The following ULK4 variants were observed in gnomAD, a reference collection of about 807,000 sequenced individuals.
The protein encoded by ULK4 is unc-51 like kinase 4.
Under a neutral mutation model 160.6 loss-of-function variants are expected in ULK4, and 133 were observed. The ratio of observed to expected loss-of-function variants is 0.83; its 90% CI spans 0.72 to 0.96. The LOEUF is 0.96. Among genes scored for constraint, ULK4 ranks in the 40% least tolerant of loss-of-function variants. The pLI is 0.00. For synonymous variants in ULK4, 534 were observed against 539.8 expected, an observed-to-expected ratio of 0.99 and a Z score of 0.15; for missense variants, 1,580 against 1,499.5, an observed-to-expected ratio of 1.05 and a Z score of -0.89.
At chr3:41,632,507 C>T (rs576189378) in intron 30 of ULK4, among the ~76,000 whole-genome samples, 1 of 151,980 alleles carries the variant, frequency 6.6e-6, no homozygotes, top group South Asian at 2.1e-4. Context: ...ATGCACTGGG[C>T]CAAATGAGAG....
chr3:41,572,617 T>A lies in ULK4; in HGVS notation c.3121-6487A>T, dbSNP rs537401477. On this transcript the variant is annotated intron_variant, in intron 31 of 36. Coordinates refer to ENST00000301831, the MANE Select transcript of ULK4 (RefSeq NM_017886.4). ...CTACTAAAAATACAAAAAAAAAAAA[T>A]TGGCCCGTCATGGTGGCGGGTGCCT... is the stretch of plus-strand genomic sequence containing the variant. Among the ~76,000 whole-genome samples, 717 of 122,282 alleles carry A rather than the reference T, an allele frequency of 5.9e-3. 6 individuals carry two copies. Among genetic ancestry groups the A allele is most frequent in the Middle Eastern group, 0.029 (7 of 242 alleles). The allele number at this position is 122,282 out of a possible 152,430, so 80.2% of individuals were successfully genotyped here. A position where few individuals can be genotyped will look rare whatever the true frequency, so the allele number is the denominator to read the frequency against.
intron 30 of ULK4, among the ~76,000 whole-genome samples, chr3:41,639,410 G>A (rs2034093504): frequency 6.6e-6 from 1 of 152,102 alleles, no homozygotes; most frequent in South Asian, 2.1e-4. Context: ...AAGAAAAGTT[G>A]TAAACTCTAG....
chr3:41,464,078 G>A (rs2083763801), intron 32 of ULK4, among the ~76,000 whole-genome samples: 1 of 151,902 alleles, frequency 6.6e-6, no homozygotes, highest in African/African-American at 2.4e-5. Context: ...GCACGGCAAG[G>A]AAGTCTGATG....
intron 35 of ULK4, among the ~76,000 whole-genome samples, chr3:41,375,318 T>C (rs1035075085): frequency 1.3e-5 from 2 of 152,038 alleles, no homozygotes; most frequent in Admixed American, 1.3e-4. Context: ...AGAGTCTGTA[T>C]AGCCAAGACA....
At chr3:41,690,872 T>C (rs1322075392) in intron 27 of ULK4, among the ~76,000 whole-genome samples, 7 of 151,702 alleles carry the variant, frequency 4.6e-5, no homozygotes, top group Non-Finnish European at 4.4e-5. Context: ...TAATCCAAGC[T>C]CATAATGTTA....
intron 2 of ULK4, among the ~76,000 whole-genome samples, chr3:41,949,984 C>T (rs1213314875): frequency 1.3e-5 from 2 of 152,074 alleles, no homozygotes; most frequent in African/African-American, 2.4e-5. Context: ...GATCTACCCA[C>T]CTTGGTCTCT....
chr3:41,480,866 T>C (rs774216589), intron 32 of ULK4, among the ~76,000 whole-genome samples: 5 of 152,098 alleles, frequency 3.3e-5, no homozygotes, highest in Admixed American at 6.5e-5. Context: ...GTAAGGCCTC[T>C]TATAAAACCA....
intron 22 of ULK4, among the ~76,000 whole-genome samples, chr3:41,740,460 T>C (rs1361999459): frequency 6.6e-6 from 1 of 151,852 alleles, no homozygotes; most frequent in Non-Finnish European, 1.5e-5. Context: ...ATAGGCCTTA[T>C]TTTATCGCCT....
rs1435762650 is a variant in ULK4, at chr3:41,800,216, G to A, written c.1926C>T (p.Gly642=). The change falls in exon 20 of 37, where the codon GGC becomes GGT. Residue 642 remains glycine, a synonymous_variant. Transcript: ENST00000301831. ...TGGGTCCTATTTCTCCTGTAATAAAGCCCTGGGACTGAGCAGAAAAGGTGG... is the reference window on the plus strand; with the variant it reads ...TGGGTCCTATTTCTCCTGTAATAAAACCCTGGGACTGAGCAGAAAAGGTGG... ...VCTTFSAQSQ[G]FITGEIGPIL... The A allele has an allele frequency of 6.2e-7, 1 of 1,613,658 alleles. No individual in the cohort carries two copies. The highest frequency in any genetic ancestry group is 8.5e-7 in the Non-Finnish European group (1 of 1,179,896).
At chr3:41,487,906 T>C (rs2084599113) in intron 32 of ULK4, among the ~76,000 whole-genome samples, 1 of 152,118 alleles carries the variant, frequency 6.6e-6, no homozygotes. Context: ...TTCTTACAAA[T>C]CACTAAGAAA....
Position 41,938,142 on chromosome 3 carries a change from T to C in ULK4, c.194A>G (p.Tyr65Cys). The C allele has an allele frequency of 6.2e-7, 1 of 1,613,604 alleles. No individual in the cohort carries two copies. The highest frequency in any genetic ancestry group is 8.5e-7 in the Non-Finnish European group (1 of 1,179,728). ...TAGCCAGAGGTGGTTGCTTGTTTCA[T>C]ACCATTCATGAAAAGTTACAATATT... ...HKNIVTFHEW[Y>C]ETSNHLWLVV... is the part of the protein sequence containing the mutation. Residue 65 changes from tyrosine to cysteine, a missense_variant, in exon 3 of 37, where the codon TAT becomes TGT. Tyr to Cys is a radical substitution (Grantham distance 194). Coordinates refer to ENST00000301831, the MANE Select transcript of ULK4 (RefSeq NM_017886.4).
chr3:41,900,056 G>A (rs1280922749), intron 13 of ULK4, among the ~76,000 whole-genome samples: 1 of 152,176 alleles, frequency 6.6e-6, no homozygotes, highest in Non-Finnish European at 1.5e-5. Flanking sequence ...ATGTTGGGGA[G>A]CTGGAAGTCA....
At chr3:41,671,644 T>C (rs549526135) in intron 29 of ULK4, among the ~76,000 whole-genome samples, 1 of 152,024 alleles carries the variant, frequency 6.6e-6, no homozygotes, top group African/African-American at 2.4e-5. Context: ...GGAAAACTCT[T>C]CAGGACACTG....
At chr3:41,517,054 G>T (rs35738683) in intron 32 of ULK4, among the ~76,000 whole-genome samples, 1 of 151,916 alleles carries the variant, frequency 6.6e-6, no homozygotes, top group Non-Finnish European at 1.5e-5. Flanking sequence ...AATTAAAAAC[G>T]GGCAAAAGAT....
chr3:41,733,263 G>A (rs552683371), intron 22 of ULK4, among the ~76,000 whole-genome samples: 68 of 152,022 alleles, frequency 4.5e-4, no homozygotes, highest in Middle Eastern at 6.8e-3. Context: ...TAAAACAAAA[G>A]AACTACTCTT....
intron 17 of ULK4, among the ~76,000 whole-genome samples, chr3:41,879,310 G>C (rs1697423648): frequency 6.6e-6 from 1 of 151,964 alleles, no homozygotes; most frequent in Non-Finnish European, 1.5e-5. Flanking sequence ...ATATTTACTA[G>C]TAAAATGATA....
At chr3:41,861,679 G>A (rs1381441200) in intron 17 of ULK4, among the ~76,000 whole-genome samples, 1 of 152,092 alleles carries the variant, frequency 6.6e-6, no homozygotes, top group Non-Finnish European at 1.5e-5. Flanking sequence ...CTTGGACACT[G>A]ACATCTTTCT....
At position 41,353,766 on chromosome 3, in the gene ULK4, A is replaced by G. The variant is rs536640576; in HGVS notation, c.3678+44313T>C. On this transcript the variant is annotated intron_variant, in intron 35 of 36. Coordinates refer to ENST00000301831, the MANE Select transcript of ULK4 (RefSeq NM_017886.4). Reference sequence around the variant, plus strand: ...CTACTACTACTAAAGCAAAACAAAGAAAGACTGCTTTATAACTTTCCTGGT... The same window carrying G: ...CTACTACTACTAAAGCAAAACAAAGGAAGACTGCTTTATAACTTTCCTGGT... Among the ~76,000 whole-genome samples, 25 of 151,440 alleles carry G rather than the reference A, an allele frequency of 1.7e-4. No individual in the cohort carries two copies. In the South Asian group the frequency reaches 3.8e-3, roughly 23 times the overall value.
At chr3:41,437,398 G>C (rs1395780880) in intron 34 of ULK4, among the ~76,000 whole-genome samples, 1 of 152,178 alleles carries the variant, frequency 6.6e-6, no homozygotes, top group African/African-American at 2.4e-5. Flanking sequence ...TAGGAAAAAT[G>C]CTCAAGATTC....
Sources: gnomAD v4.1 joint callset for allele counts (sites outside exome capture counted in the v4.1 genomes callset) on GRCh38, gnomAD v4.1.1 for gene constraint, MANE v1.5 for transcripts, NCBI Gene and HGNC (gene_info 2026-07-23, HGNC 2026-07-21) for gene names.